The following PLBD1 variants were observed in gnomAD, a reference collection of about 807,000 sequenced individuals.
PLBD1 encodes the protein lysosomal leucine aminopeptidase.
A neutral mutation model predicts 63.0 loss-of-function variants in PLBD1; 60 were observed. The ratio of observed to expected loss-of-function variants is 0.95; its 90% confidence interval spans 0.77 to 1.18. PLBD1 has a LOEUF of 1.18. Among genes scored for constraint, PLBD1 ranks in the 50% most tolerant of loss-of-function variants. The pLI is 0.00. For missense variants in PLBD1, 598 were observed against 677.9 expected, an observed-to-expected ratio of 0.88 and a Z score of 1.31; for synonymous variants, 262 against 248.0, an observed-to-expected ratio of 1.06 and a Z score of -0.53.
At chr12:14,512,758 A>C (rs1326460670) in intron 6 of PLBD1, among the ~76,000 whole-genome samples, 2 of 152,252 alleles carry the variant, frequency 1.3e-5, no homozygotes, top group South Asian at 2.1e-4. Context: ...AGAAGGGGCC[A>C]GAGTGGTAAG....
intron 6 of PLBD1, 126 bp from the exon 7 acceptor site, chr12:14,511,837 C>CTGCA (rs1374850668): frequency 3.3e-6 from 3 of 897,858 alleles, no homozygotes; most frequent in Non-Finnish European, 5.1e-6. Context: ...TATCCTTGAT[C>CTGCA]TGCAGTAGCC....
chr12:14,546,805 C>T (rs561506608), intron 2 of PLBD1, among the ~76,000 whole-genome samples: 2 of 152,240 alleles, frequency 1.3e-5, no homozygotes, highest in African/African-American at 2.4e-5. Context: ...ACTATATAAC[C>T]ATATACAAGA....
intron 6 of PLBD1, among the ~76,000 whole-genome samples, chr12:14,521,998 A>C (rs1260733093): frequency 6.6e-6 from 1 of 152,060 alleles, no homozygotes; most frequent in Non-Finnish European, 1.5e-5. Context: ...TGAAATAAAA[A>C]ATATAATGGA....
chr12:14,535,630 T>C, intron 6 of PLBD1, 29 bp downstream of exon 6: 1 of 1,611,184 alleles, frequency 6.2e-7, no homozygotes, highest in Non-Finnish European at 8.5e-7. Flanking sequence ...GTACTCAAAG[T>C]GCTCAGATGT....
intron 1 of PLBD1, among the ~76,000 whole-genome samples, chr12:14,560,703 G>A (rs978808623): frequency 2.0e-5 from 3 of 152,198 alleles, no homozygotes; most frequent in Admixed American, 6.5e-5. Flanking sequence ...TTGCAAGTAG[G>A]TGTTTAAGCC....
At position 14,565,045 on chromosome 12, in the gene PLBD1, A is replaced by C. The variant is rs1437940506; in HGVS notation, c.115+2537T>G. Among the ~76,000 whole-genome samples, 4 of 152,242 alleles carry C rather than the reference A, an allele frequency of 2.6e-5. No individual in the cohort carries two copies. In the East Asian group the frequency reaches 7.7e-4, roughly 29 times the overall value. Reference sequence around the variant, plus strand: ...ATGGGGCTTTTGGTCTGGAAAGATAAACGCAACACCATATGTCTGAAATCA... The same window carrying C: ...ATGGGGCTTTTGGTCTGGAAAGATACACGCAACACCATATGTCTGAAATCA... On this transcript the variant is annotated intron_variant, in intron 1 of 10. Transcript: ENST00000240617.
In PLBD1 at chr12:14,567,630, G is replaced by A; in HGVS notation, c.67C>T (p.Leu23=). 6.7e-7 allele frequency: 1 copy of A among 1,496,992 alleles called. No homozygotes were observed. The highest frequency in any genetic ancestry group is 2.2e-5 in the Admixed American group (1 of 45,506). The allele number at this position is 1,496,992 out of a possible 1,614,324, so 92.7% of individuals were successfully genotyped here. Residue 23 remains leucine (L), a synonymous_variant, in exon 1 of 11, where the codon CTG becomes TTG. Transcript: ENST00000240617. ...PQPPPLLLLL[L]LLPLLLVTAE... ...GTGACTAACAACAGCGGCAGCAGCA[G>A]CAGCAGCAGCAGAAGCGGTGGCGGC...
At chr12:14,509,435 T>C (rs1431194545) in intron 8 of PLBD1, among the ~76,000 whole-genome samples, 1 of 152,208 alleles carries the variant, frequency 6.6e-6, no homozygotes, top group Non-Finnish European at 1.5e-5. Context: ...CTGTTTTGAA[T>C]TGCTCTATGC....
At chr12:14,515,908 A>AT (rs1033132626) in intron 6 of PLBD1, among the ~76,000 whole-genome samples, 2 of 149,548 alleles carry the variant, frequency 1.3e-5, no homozygotes, top group Non-Finnish European at 3.0e-5. Context: ...AAAAAAAAAA[A>AT]AATTAGCCGG....
At chr12:14,527,816 C>A (rs1186783244) in intron 6 of PLBD1, among the ~76,000 whole-genome samples, 218 of 146,100 alleles carry the variant, frequency 1.5e-3, no homozygotes, top group African/African-American at 1.5e-3. Context: ...TATGAAATGA[C>A]AAAAAAAAAA....
rs762630219 is a variant in PLBD1 at position 14,567,679 on chromosome 12, C to A, written c.18G>T (p.Pro6=). MTRGG[P]GGRPGLPQPP... ...GCTGTGGCAGCCCCGGGCGCCCGCC[C>A]GGACCGCCGCGGGTCATCGCTCCAC... The change falls in exon 1 of 11, where the codon CCG becomes CCT. Residue 6 remains proline, a synonymous_variant. Transcript: ENST00000240617. The A allele has an allele frequency of 1.8e-4, 257 of 1,467,212 alleles. 1 individual carries two copies. Among genetic ancestry groups the A allele is most frequent in the Admixed American group, 5.1e-5 (2 of 39,238 alleles). 90.9% of individuals were successfully genotyped at this position (1,467,212 alleles called of 1,614,324 possible).
At chr12:14,521,116 C>A (rs1166523059) in intron 6 of PLBD1, among the ~76,000 whole-genome samples, 1 of 152,162 alleles carries the variant, frequency 6.6e-6, no homozygotes, top group Non-Finnish European at 1.5e-5. Context: ...TGAGCAGCTA[C>A]TGTTTCCTAT....
At position 14,550,803 on chromosome 12, in the gene PLBD1, G is replaced by A. The variant is rs1474897948; in HGVS notation, c.335+2390C>T. 5.3e-5 allele frequency among the ~76,000 whole-genome samples: 8 copies of A among 151,842 alleles called. 1 individual carries two copies. The highest frequency in any genetic ancestry group is 3.4e-3 in the Middle Eastern group (1 of 292). On this transcript the variant is annotated intron_variant, in intron 2 of 10. Coordinates refer to ENST00000240617, the MANE Select transcript of PLBD1 (RefSeq NM_024829.6). ...TGAGGCAGAAAAATCTCCTGAACCC[G>A]GGAGGCGGAGGTTGCAGTGAACCGA...
intron 1 of PLBD1, among the ~76,000 whole-genome samples, chr12:14,559,363 C>G (rs1276997843): frequency 6.6e-6 from 1 of 152,112 alleles, no homozygotes; most frequent in Non-Finnish European, 1.5e-5. Context: ...GGGTCTCGCT[C>G]TGTTGCTCAG....
At chr12:14,516,585 T>C (rs1251338755) in intron 6 of PLBD1, among the ~76,000 whole-genome samples, 1 of 152,122 alleles carries the variant, frequency 6.6e-6, no homozygotes, top group Non-Finnish European at 1.5e-5. Context: ...TATGTATACA[T>C]GTATGGGGGA....
intron 10 of PLBD1, 80 bp downstream of exon 10, chr12:14,506,082 C>T (rs1945252739): frequency 3.3e-6 from 3 of 899,248 alleles, no homozygotes; most frequent in South Asian, 2.0e-5. Flanking sequence ...CGCTTCCTGC[C>T]ATAAAAACCT....
rs748840920 is a variant in PLBD1, at chr12:14,506,301, T to C, written c.1373-33A>G. 9 of 1,465,328 alleles carry C rather than the reference T, an allele frequency of 6.1e-6. No homozygotes were observed. The East Asian group carries it at 1.8e-4, about 30-fold the overall frequency. The allele number at this position is 1,465,328 out of a possible 1,614,324, so 90.8% of individuals were successfully genotyped here. ...ACAGAAATGGGGAAGAGAGTGATTATTGGCTATTTGGAGACACACTTCTCC... is the reference window on the plus strand; with the variant it reads ...ACAGAAATGGGGAAGAGAGTGATTACTGGCTATTTGGAGACACACTTCTCC... On this transcript the variant is annotated intron_variant, in intron 9 of 10. Coordinates refer to ENST00000240617, the MANE Select transcript of PLBD1 (RefSeq NM_024829.6).
At chr12:14,566,829 C>A (rs1272123147) in intron 1 of PLBD1, among the ~76,000 whole-genome samples, 1 of 150,268 alleles carries the variant, frequency 6.7e-6, no homozygotes, top group East Asian at 2.0e-4. Context: ...GGCGCGGTGG[C>A]TCATGCCTGT....
intron 6 of PLBD1, among the ~76,000 whole-genome samples, chr12:14,518,746 G>A (rs1031081202): frequency 6.6e-6 from 1 of 152,002 alleles, no homozygotes; most frequent in Non-Finnish European, 1.5e-5. Context: ...TAATATGCAA[G>A]GCTCTGTGCT....
Sources: gnomAD v4.1 joint callset for allele counts (sites outside exome capture counted in the v4.1 genomes callset) on GRCh38, gnomAD v4.1.1 for gene constraint, MANE v1.5 for transcripts, NCBI Gene and HGNC (gene_info 2026-07-23, HGNC 2026-07-21) for gene names.